The following DLG2 variants were observed in gnomAD, a reference collection of about 807,000 sequenced individuals.
DLG2 encodes the protein disks large homolog 2.
A neutral mutation model predicts 132.5 loss-of-function variants in DLG2; 45 were observed. The observed-to-expected ratio is 0.34, with a 90% CI of 0.27 to 0.44. The LOEUF is 0.44. DLG2 is among the 20% of genes least tolerant of loss of function. The probability of loss-of-function intolerance (pLI) is 1.00; values close to 1 mark genes in which losing one functional copy is unlikely to be tolerated. For synonymous variants in DLG2, 424 were observed against 419.6 expected (o/e 1.01, Z -0.13); for missense variants, 1,045 against 1,196.9 (o/e 0.87, Z 1.87).
At chr11:85,217,299 C>T (rs1418188893) in intron 4 of DLG2, among the ~76,000 whole-genome samples, 1 of 137,466 alleles carries the variant, frequency 7.3e-6, no homozygotes, top group Non-Finnish European at 1.5e-5. Flanking sequence ...CCCACCATCA[C>T]CTAGATTCTC....
chr11:84,998,601 C>A (rs529900800), intron 6 of DLG2, among the ~76,000 whole-genome samples: 2 of 152,214 alleles, frequency 1.3e-5, no homozygotes, highest in South Asian at 4.1e-4. Context: ...GTGGTGGTAT[C>A]ATGGTTGTTG....
intron 7 of DLG2, among the ~76,000 whole-genome samples, chr11:84,313,144 C>T (rs938917579): frequency 1.3e-5 from 2 of 149,274 alleles, no homozygotes; most frequent in South Asian, 2.1e-4. Context: ...GAGACCAAGT[C>T]TCACTCTGTA....
At chr11:85,497,014 C>T (rs1364156598) in intron 3 of DLG2, among the ~76,000 whole-genome samples, 2 of 152,018 alleles carry the variant, frequency 1.3e-5, no homozygotes, top group African/African-American at 4.8e-5. Flanking sequence ...ACCAGAATGC[C>T]TCTTCTCCTC....
intron 18 of DLG2, among the ~76,000 whole-genome samples, chr11:83,653,036 A>C (rs536686411): frequency 1.3e-5 from 2 of 152,344 alleles, no homozygotes; most frequent in Admixed American, 1.3e-4. Flanking sequence ...CAGCTAGAAA[A>C]TGTTGGTGGC....
intron 6 of DLG2, among the ~76,000 whole-genome samples, chr11:84,894,827 T>C (rs1490872396): frequency 6.6e-6 from 1 of 152,152 alleles, no homozygotes; most frequent in African/African-American, 2.4e-5. Context: ...CTCCTGCCTC[T>C]GGCCTAGGAT....
chr11:84,180,996 G>C (rs1267459862), intron 8 of DLG2, among the ~76,000 whole-genome samples: 1 of 151,610 alleles, frequency 6.6e-6, no homozygotes, highest in Non-Finnish European at 1.5e-5. Flanking sequence ...TCTGGAGAAA[G>C]AATATATGAA....
At chr11:83,977,096 G>A (rs2092327916) in intron 12 of DLG2, among the ~76,000 whole-genome samples, 1 of 151,958 alleles carries the variant, frequency 6.6e-6, no homozygotes, top group African/African-American at 2.4e-5. Context: ...CACAATGCTA[G>A]TATTAATTAG....
At chr11:84,475,111 T>C (rs1205610022) in intron 7 of DLG2, among the ~76,000 whole-genome samples, 2 of 152,160 alleles carry the variant, frequency 1.3e-5, no homozygotes, top group African/African-American at 4.8e-5. Flanking sequence ...CATGTTGAGC[T>C]CCAACGAGTT....
At chr11:83,889,199 C>T in intron 15 of DLG2, among the ~76,000 whole-genome samples, 1 of 151,876 alleles carries the variant, frequency 6.6e-6, no homozygotes, top group African/African-American at 2.4e-5. Flanking sequence ...ATTTTCGCAA[C>T]CTACTCATCT....
chr11:84,345,704 T>C (rs1014274211), intron 7 of DLG2, among the ~76,000 whole-genome samples: 4 of 152,200 alleles, frequency 2.6e-5, no homozygotes, highest in Non-Finnish European at 5.9e-5. Flanking sequence ...AGAGTTGGAT[T>C]ACCTGTGAGG....
At chr11:84,225,209 T>A (rs930262589) in intron 8 of DLG2, among the ~76,000 whole-genome samples, 1 of 152,248 alleles carries the variant, frequency 6.6e-6, no homozygotes, top group Non-Finnish European at 1.5e-5. Context: ...ATTTCTGTAA[T>A]ACATTAATGG....
At position 85,398,534 on chromosome 11, in the gene DLG2, G is replaced by C. The variant is rs887416604; in HGVS notation, c.41-113169C>G. On this transcript the variant is annotated intron_variant, in intron 3 of 27. Transcript: ENST00000376104. ...CAACAAAATTGATAGACCACTAGCA[G>C]GACTAATAAAGAAGAAAAGAGAAAA... Among the ~76,000 whole-genome samples the C allele has an allele frequency of 2.6e-5, 4 of 151,492 alleles. No individual in the cohort carries two copies. The South Asian group carries it at 8.3e-4, about 32-fold the overall frequency.
chr11:84,396,609 C>T (rs2098811976), intron 7 of DLG2, among the ~76,000 whole-genome samples: 2 of 152,206 alleles, frequency 1.3e-5, no homozygotes. Context: ...AAGCACACTT[C>T]ACAGAAATTA....
intron 21 of DLG2, among the ~76,000 whole-genome samples, chr11:83,491,179 C>T (rs1355873552): frequency 2.1e-5 from 3 of 145,678 alleles, no homozygotes; most frequent in Non-Finnish European, 3.0e-5. Flanking sequence ...TCAAATCTAA[C>T]ACCAGGAATA....
At chr11:84,092,594 T>C (rs2097108484) in intron 10 of DLG2, among the ~76,000 whole-genome samples, 1 of 152,188 alleles carries the variant, frequency 6.6e-6, no homozygotes, top group South Asian at 2.1e-4. Context: ...TGGAGCTTGA[T>C]TTGAAGTCTG....
intron 3 of DLG2, among the ~76,000 whole-genome samples, chr11:85,356,787 GAT>G (rs1487234326): frequency 1.1e-4 from 13 of 123,184 alleles, no homozygotes; most frequent in African/African-American, 4.8e-4. Flanking sequence ...TAGATAGATA[GAT>G]AGATAGATAG....
At chr11:85,308,676 T>C (rs556988628) in intron 3 of DLG2, among the ~76,000 whole-genome samples, 9 of 152,342 alleles carry the variant, frequency 5.9e-5, no homozygotes, top group Non-Finnish European at 1.2e-4. Flanking sequence ...ATAACCCCTC[T>C]AATAAATTAT....
intron 6 of DLG2, among the ~76,000 whole-genome samples, chr11:84,663,084 T>C (rs542585585): frequency 3.2e-4 from 49 of 152,214 alleles, no homozygotes; most frequent in Admixed American, 5.9e-4. Flanking sequence ...TTTTCCTTAG[T>C]ATGTCCTTCT....
intron 12 of DLG2, among the ~76,000 whole-genome samples, chr11:83,976,475 C>A (rs759492272): frequency 5.3e-5 from 8 of 151,372 alleles, no homozygotes; most frequent in Admixed American, 2.6e-4. Flanking sequence ...GGGGAAGATA[C>A]AAAGAATATG....
Sources: gnomAD v4.1 joint callset for allele counts (sites outside exome capture counted in the v4.1 genomes callset) on GRCh38, gnomAD v4.1.1 for gene constraint, MANE v1.5 for transcripts, NCBI Gene and HGNC (gene_info 2026-07-23, HGNC 2026-07-21) for gene names.